GEN1: variants seen among roughly 807,000 people sequenced by gnomAD.
The protein encoded by GEN1 is GEN1 structure-specific endonuclease.
A neutral mutation model predicts 67.6 loss-of-function variants in GEN1; 64 were observed. That is an observed-to-expected ratio of 0.95 (90% CI 0.77 to 1.17). The LOEUF (loss-of-function observed/expected upper bound fraction) is 1.17, where lower values mean the gene tolerates loss of function less well. GEN1 is among the 50% of genes most tolerant of loss of function. The pLI is 0.00. For missense variants in GEN1, 1,058 were observed against 1,048.3 expected, an observed-to-expected ratio of 1.01 and a Z score of -0.13; for synonymous variants, 371 against 359.4, an observed-to-expected ratio of 1.03 and a Z score of -0.37.
rs1477208123 is a variant in GEN1, at chr2:17,778,321, C to CGTGT, written c.1264+258_1264+259insGTGT. Among the ~76,000 whole-genome samples the CGTGT allele has an allele frequency of 2.8e-3, 58 of 21,068 alleles. 9 individuals carry two copies. The highest frequency in any genetic ancestry group is 0.029 in the Middle Eastern group (1 of 34). The allele number at this position is 21,068 out of a possible 152,430, so 13.8% of individuals were successfully genotyped here. A position where few individuals can be genotyped will look rare whatever the true frequency, so the allele number is the denominator to read the frequency against. On this transcript the variant is annotated intron_variant, in intron 12 of 13. Coordinates refer to ENST00000381254, the MANE Select transcript of GEN1 (RefSeq NM_001130009.3). The stretch of plus-strand genomic sequence containing the variant: ...GTGTACATATATGTATATACACACA[C>CGTGT]ACGTGTACATATATGTATACACACA...
Position 17,774,353 on chromosome 2 carries a change from T to C in GEN1, c.1154T>C (p.Ile385Thr). The C allele has an allele frequency of 6.2e-7, 1 of 1,606,450 alleles. No homozygotes were observed. The part of the protein sequence containing the change: ...LLVLLTHYDM[I>T]ERKLGSRNSN... ...GTACTTTTGACCCATTATGACATGA[T>C]AGAAAGAAAGCTTGGTAGCAGAAAC... Residue 385 changes from isoleucine to threonine, a missense_variant, in exon 11 of 14, where the codon ATA (isoleucine) becomes ACA (threonine). Coordinates refer to ENST00000381254, the MANE Select transcript of GEN1 (RefSeq NM_001130009.3).
In GEN1 at chr2:17,773,219, G is replaced by T. The variant is rs1419581946; in HGVS notation, c.991G>T (p.Val331Phe). The T allele has an allele frequency of 1.9e-6, 3 of 1,591,230 alleles. No individual in the cohort carries two copies. Among genetic ancestry groups the T allele is most frequent in the Non-Finnish European group, 2.6e-6 (3 of 1,163,652 alleles). Residue 331 changes from valine to phenylalanine, a missense_variant and splice_region_variant, in exon 10 of 14, where the codon GTT (valine) becomes TTT (phenylalanine). Coordinates refer to ENST00000381254, the MANE Select transcript of GEN1 (RefSeq NM_001130009.3). ...CCCEGFPFHE[V>F]IQEFLLNKDK... ...TTTCTATTTTCTTTTTTCTTGCTAG[G>T]TTATTCAAGAATTCCTTTTAAACAA...
At chr2:17,765,656 G>T (rs1475841955) in intron 4 of GEN1, among the ~76,000 whole-genome samples, 1 of 152,104 alleles carries the variant, frequency 6.6e-6, no homozygotes, top group Non-Finnish European at 1.5e-5. Flanking sequence ...TATCCCTCCC[G>T]AAATGCTAAT....
At chr2:17,780,502 C>T in intron 13 of GEN1, 119 bp from the exon 14 acceptor site, 1 of 657,180 alleles carries the variant, frequency 1.5e-6, no homozygotes, top group Non-Finnish European at 2.5e-6. Flanking sequence ...GCACTGAGAT[C>T]AAAAAAAGGC....
rs2125194270 is a variant in GEN1, at chr2:17,787,018, G to T, written c.*5079G>T. 6.6e-6 allele frequency: 1 copy of T among 152,314 alleles called. No homozygotes were observed. The highest frequency in any genetic ancestry group is 1.5e-5 in the Non-Finnish European group (1 of 68,046). The allele number at this position is 152,314 out of a possible 1,614,324, so 9.4% of individuals were successfully genotyped here. On this transcript the variant is annotated 3_prime_UTR_variant, in exon 14 of 14. Transcript: ENST00000381254. Reference sequence around the variant, plus strand: ...TTCAGCTTCATGCATTCATAGTCATGAACCTTGGCTCTAGCCACCTAAGAC... The same window carrying T: ...TTCAGCTTCATGCATTCATAGTCATTAACCTTGGCTCTAGCCACCTAAGAC...
rs757838363 is a variant in GEN1 at position 17,781,140 on chromosome 2, TAAAG to T, written c.1933_1936del (p.Lys645CysfsTer29). The stretch of plus-strand genomic sequence containing the variant: ...GAATCAGAAAGGTACACTGCAAACA[TAAAG>T]AAAGTGTTGGATGAGGATTCTGATG... On this transcript the variant is annotated frameshift_variant, in exon 14 of 14. Transcript: ENST00000381254. LOFTEE classifies it low-confidence loss of function (END_TRUNC). The T allele has an allele frequency of 6.8e-5, 110 of 1,613,826 alleles. No individual in the cohort carries two copies. The highest frequency in any genetic ancestry group is 8.9e-5 in the East Asian group (4 of 44,884).
At chr2:17,776,149 C>T (rs2125157034) in intron 11 of GEN1, among the ~76,000 whole-genome samples, 1 of 147,790 alleles carries the variant, frequency 6.8e-6, no homozygotes, top group East Asian at 2.0e-4. Flanking sequence ...AAAGTTTAAT[C>T]TGTATCTAAT....
rs1672046308 is a variant in GEN1, at chr2:17,768,737, GGGAGTCCCT to G, written c.642_650del (p.Pro215_Val217del). ...TTATTTTTTTTCCCACTTTCTGAAA[GGGAGTCCCT>G]GGAGTTGGAAAAGAGCAAGCATTAA... is the stretch of plus-strand genomic sequence containing the variant. On this transcript the variant is annotated inframe_deletion and splice_region_variant, in exon 6 of 14. Transcript: ENST00000381254. 1 of 1,607,454 alleles carries G rather than the reference GGGAGTCCCT, an allele frequency of 6.2e-7. No homozygotes were observed.
intron 1 of GEN1, chr2:17,754,905 C>T (rs1461410961): frequency 1.3e-5 from 2 of 152,246 alleles, no homozygotes; most frequent in Non-Finnish European, 2.9e-5. Context: ...CCCCACACTC[C>T]CGCTTCAGTC....
chr2:17,764,481 A>G (rs1671829277), intron 3 of GEN1, among the ~76,000 whole-genome samples: 2 of 152,234 alleles, frequency 1.3e-5, no homozygotes, highest in African/African-American at 4.8e-5. Context: ...TTAATTTTTT[A>G]TTACAGAAAA....
rs370543911 is a variant in GEN1, at chr2:17,778,251, T to TACAC, written c.1264+192_1264+195dup. 4.6e-3 allele frequency among the ~76,000 whole-genome samples: 489 copies of TACAC among 106,132 alleles called. 57 individuals carry two copies. The highest frequency in any genetic ancestry group is 0.02 in the African/African-American group (423 of 21,310). The allele number at this position is 106,132 out of a possible 152,430, so 69.6% of individuals were successfully genotyped here. A position where few individuals can be genotyped will look rare whatever the true frequency, so the allele number is the denominator to read the frequency against. The stretch of plus-strand genomic sequence containing the variant: ...ACATATATGTGTGTACATATATGTA[T>TACAC]ACACACATATGTGTGTACATATATG... On this transcript the variant is annotated intron_variant, in intron 12 of 13. Coordinates refer to ENST00000381254, the MANE Select transcript of GEN1 (RefSeq NM_001130009.3).
chr2:17,768,669 C>G, intron 5 of GEN1, 69 bp from the exon 6 acceptor site: 3 of 1,115,966 alleles, frequency 2.7e-6, no homozygotes, highest in Non-Finnish European at 4.0e-6. Flanking sequence ...CTCTTCCGTT[C>G]AATTAATATA....
At chr2:17,760,486 C>T (rs1236801098) in intron 2 of GEN1, among the ~76,000 whole-genome samples, 4 of 152,182 alleles carry the variant, frequency 2.6e-5, no homozygotes, top group Non-Finnish European at 5.9e-5. Context: ...CCAGAGGCAC[C>T]ACCTCAGTCT....
rs114616881 is a variant in GEN1, at chr2:17,760,302, C to A, written c.161+198C>A. On this transcript the variant is annotated intron_variant, in intron 2 of 13. Transcript: ENST00000381254. ...TACCTCTTACCCTTTGAGCTCCAGA[C>A]TCACATAGCTATCTCCTACTTAACG... Among the ~76,000 whole-genome samples the A allele has an allele frequency of 4.7e-3, 716 of 152,274 alleles. 4 individuals are homozygous for A. The highest frequency in any genetic ancestry group is 0.016 in the African/African-American group (663 of 41,536).
Position 17,784,706 on chromosome 2 carries a change from C to A in GEN1, c.*2767C>A, listed in dbSNP as rs942468356. 1 of 152,152 alleles carries A rather than the reference C, an allele frequency of 6.6e-6. No homozygotes were observed. The allele number at this position is 152,152 out of a possible 1,614,324, so 9.4% of individuals were successfully genotyped here. ...TTTGAATATTCAGAGAGAAAAAAGT[C>A]GTTGCTAAAACATTTTCCAAGGTTC... On this transcript the variant is annotated 3_prime_UTR_variant, in exon 14 of 14. Coordinates refer to ENST00000381254, the MANE Select transcript of GEN1 (RefSeq NM_001130009.3).
chr2:17,769,545 T>C (rs751412163), intron 6 of GEN1, among the ~76,000 whole-genome samples: 1 of 152,230 alleles, frequency 6.6e-6, no homozygotes, highest in Non-Finnish European at 1.5e-5. Context: ...TTTAATACTT[T>C]GATATTGTAT....
Position 17,784,097 on chromosome 2 carries a change from T to C in GEN1, c.*2158T>C, listed in dbSNP as rs540382468. On this transcript the variant is annotated 3_prime_UTR_variant, in exon 14 of 14. Transcript: ENST00000381254. ...AAATATTTGCAAATCATAAATGTGA[T>C]AAGGGACTTGTATCTTGGTGGTATA... The C allele has an allele frequency of 7.9e-5, 12 of 152,240 alleles. No individual in the cohort carries two copies. The highest frequency in any genetic ancestry group is 1.8e-4 in the Non-Finnish European group (12 of 67,994). The allele number at this position is 152,240 out of a possible 1,614,324, so 9.4% of individuals were successfully genotyped here. A position where few individuals can be genotyped will look rare whatever the true frequency, so the allele number is the denominator to read the frequency against.
intron 5 of GEN1, among the ~76,000 whole-genome samples, chr2:17,768,056 A>G (rs934668982): frequency 3.5e-4 from 53 of 152,290 alleles, no homozygotes; most frequent in African/African-American, 1.3e-3. Flanking sequence ...GATACTCAGA[A>G]TGCTTGGGCA....
intron 12 of GEN1, 111 bp downstream of exon 12, chr2:17,778,174 G>GTATA (rs10535306): frequency 1.9e-5 from 8 of 420,376 alleles, no homozygotes; most frequent in Admixed American, 1.2e-4. Flanking sequence ...ATAGATATGT[G>GTATA]TATATATATA....
Sources: gnomAD v4.1 joint callset for allele counts (sites outside exome capture counted in the v4.1 genomes callset) on GRCh38, gnomAD v4.1.1 for gene constraint, MANE v1.5 for transcripts, NCBI Gene and HGNC (gene_info 2026-07-23, HGNC 2026-07-21) for gene names.